DIAPH3: variants seen among roughly 807,000 people sequenced by gnomAD.
DIAPH3 encodes the protein diaphanous related formin 3, also known as protein diaphanous homolog 3.
Under a neutral mutation model 144.3 loss-of-function variants are expected in DIAPH3, and 117 were observed. The observed-to-expected ratio is 0.81, with a 90% CI of 0.70 to 0.95. The LOEUF (loss-of-function observed/expected upper bound fraction) is 0.95. Ranked by LOEUF, DIAPH3 falls within the 40% of genes least tolerant of loss-of-function variation. The pLI, the probability that DIAPH3 is intolerant of heterozygous loss-of-function variation, is 0.00. For missense variants in DIAPH3, 1,421 were observed against 1,412.7 expected, an observed-to-expected ratio of 1.01 and a Z score of -0.09; for synonymous variants, 519 against 488.9, an observed-to-expected ratio of 1.06 and a Z score of -0.81.
At chr13:59,751,220 T>C (rs1566259295) in intron 27 of DIAPH3, among the ~76,000 whole-genome samples, 1 of 152,254 alleles carries the variant, frequency 6.6e-6, no homozygotes, top group African/African-American at 2.4e-5. Flanking sequence ...GGGCTTTGGC[T>C]GAGAAGAGTG....
intron 4 of DIAPH3, among the ~76,000 whole-genome samples, chr13:60,080,852 T>A (rs1052998459): frequency 6.6e-6 from 1 of 151,944 alleles, no homozygotes; most frequent in African/African-American, 2.4e-5. Context: ...GGGTCACACA[T>A]CACTTTTCAC....
At position 59,879,288 on chromosome 13, in the gene DIAPH3, T is replaced by C. The variant is rs2044841411; in HGVS notation, c.2548A>G (p.Met850Val). 1.2e-6 allele frequency: 2 copies of C among 1,613,868 alleles called. No individual in the cohort carries two copies. The highest frequency in any genetic ancestry group is 2.2e-5 in the East Asian group (1 of 44,868). Residue 850 changes from methionine to valine, a missense_variant, in exon 21 of 28, where the codon ATG becomes GTG. Physicochemically the swap from Met to Val is conservative, Grantham distance 21. Coordinates refer to ENST00000400324, the MANE Select transcript of DIAPH3 (RefSeq NM_001042517.2). ...LELVLLMGNYMNAGSRNAQTF... is the reference protein window; with the variant it reads ...LELVLLMGNYVNAGSRNAQTF... ...TGAGCATTCCGGGAGCCAGCATTCA[T>C]GTAGTTTCCCATTAGCAATACAAGT...
At chr13:59,849,892 T>C (rs1325898125) in intron 22 of DIAPH3, among the ~76,000 whole-genome samples, 4 of 145,956 alleles carry the variant, frequency 2.7e-5, no homozygotes, top group Non-Finnish European at 4.5e-5. Flanking sequence ...GCATTGAATC[T>C]GTAAATTACC....
chr13:60,135,386 G>A (rs1201686110), intron 1 of DIAPH3, among the ~76,000 whole-genome samples: 2 of 151,702 alleles, frequency 1.3e-5, no homozygotes, highest in African/African-American at 2.4e-5. Context: ...TATAACCTAT[G>A]TTATTATATT....
intron 27 of DIAPH3, among the ~76,000 whole-genome samples, chr13:59,693,834 C>T (rs1461476348): frequency 6.6e-6 from 1 of 152,012 alleles, no homozygotes; most frequent in Admixed American, 6.6e-5. Flanking sequence ...TCCTTATAAT[C>T]CTCATTTAGA....
At chr13:59,913,535 T>G (rs898196713) in intron 19 of DIAPH3, among the ~76,000 whole-genome samples, 24 of 152,148 alleles carry the variant, frequency 1.6e-4, no homozygotes, top group Non-Finnish European at 3.2e-4. Flanking sequence ...CAAAGCATAC[T>G]CCCTCAACAT....
Position 59,666,345 on chromosome 13 carries a change from A to G in DIAPH3, c.*239T>C. 1 of 459,392 alleles carries G rather than the reference A, an allele frequency of 2.2e-6. No homozygotes were observed. Among genetic ancestry groups the G allele is most frequent in the Non-Finnish European group, 3.7e-6 (1 of 268,936 alleles). 28.5% of individuals were successfully genotyped at this position (459,392 alleles called of 1,614,324 possible). A position where few individuals can be genotyped will look rare whatever the true frequency, so the allele number is the denominator to read the frequency against. ...TTAACCACCAAATAAAGAACTGAGGAATACCAGGAGACAAAAAAAAAAAAA... is the reference window on the plus strand; with the variant it reads ...TTAACCACCAAATAAAGAACTGAGGGATACCAGGAGACAAAAAAAAAAAAA... On this transcript the variant is annotated 3_prime_UTR_variant, in exon 28 of 28. Coordinates refer to ENST00000400324, the MANE Select transcript of DIAPH3 (RefSeq NM_001042517.2).
chr13:60,065,605 C>G (rs1292534405), intron 4 of DIAPH3, among the ~76,000 whole-genome samples: 3 of 152,304 alleles, frequency 2.0e-5, no homozygotes, highest in East Asian at 1.9e-4. Context: ...ACTGCTGTTA[C>G]AGTATCTCAA....
chr13:60,107,890 T>C (rs1352186602), intron 3 of DIAPH3, among the ~76,000 whole-genome samples: 1 of 152,220 alleles, frequency 6.6e-6, no homozygotes, highest in East Asian at 1.9e-4. Context: ...AGCATTCTGA[T>C]AGATGAGCTT....
intron 11 of DIAPH3, 127 bp downstream of exon 11, chr13:59,991,941 T>C: frequency 2.6e-6 from 2 of 757,468 alleles, no homozygotes; most frequent in East Asian, 2.6e-5. Flanking sequence ...AATAACATTC[T>C]TCTGATGCAT....
chr13:59,891,126 CATA>C (rs1365717097), intron 20 of DIAPH3, among the ~76,000 whole-genome samples: 2 of 151,928 alleles, frequency 1.3e-5, no homozygotes, highest in African/African-American at 4.8e-5. Flanking sequence ...TCTCAAACCT[CATA>C]ATGAGATTTG....
rs1329015205 is a variant in DIAPH3 at position 59,879,114 on chromosome 13, C to T, written c.2607+115G>A. The T allele has an allele frequency of 3.4e-6, 5 of 1,451,758 alleles. No homozygotes were observed. In the African/African-American group the frequency reaches 5.7e-5, roughly 17 times the overall value. The allele number at this position is 1,451,758 out of a possible 1,614,324, so 89.9% of individuals were successfully genotyped here. A position where few individuals can be genotyped will look rare whatever the true frequency, so the allele number is the denominator to read the frequency against. On this transcript the variant is annotated intron_variant, in intron 21 of 27. Transcript: ENST00000400324. ...CTGGGTTTGAGTTCATGGTTCAGTT[C>T]AAGTTCTTGATAATGAGCACATCAA...
chr13:59,859,731 A>G (rs1487724372), intron 22 of DIAPH3, among the ~76,000 whole-genome samples: 1 of 152,084 alleles, frequency 6.6e-6, no homozygotes, highest in African/African-American at 2.4e-5. Flanking sequence ...TCTTTAGGAG[A>G]GTTGATTTCC....
chr13:60,112,973 C>G (rs1211968833), intron 2 of DIAPH3, among the ~76,000 whole-genome samples: 1 of 152,126 alleles, frequency 6.6e-6, no homozygotes, highest in Non-Finnish European at 1.5e-5. Flanking sequence ...AATGTTTCAA[C>G]AATCAAAAAT....
intron 24 of DIAPH3, among the ~76,000 whole-genome samples, chr13:59,826,037 A>C (rs1056199302): frequency 4.6e-5 from 7 of 152,168 alleles, no homozygotes; most frequent in Non-Finnish European, 7.3e-5. Flanking sequence ...ATCTCAAAAT[A>C]ATAAGAGTTA....
intron 22 of DIAPH3, among the ~76,000 whole-genome samples, chr13:59,840,603 T>G (rs1214610935): frequency 2.0e-5 from 3 of 152,170 alleles, no homozygotes; most frequent in Non-Finnish European, 2.9e-5. Context: ...ATTCTGACAT[T>G]AACAGCTTTT....
At chr13:60,156,791 T>C (rs76113761) in intron 1 of DIAPH3, among the ~76,000 whole-genome samples, 1,955 of 151,196 alleles carry the variant, frequency 0.013, 24 homozygotes, top group Middle Eastern at 0.024. Context: ...CTCAGATTAG[T>C]ATCATAAGCT....
chr13:59,854,055 A>G (rs2043128191), intron 22 of DIAPH3, among the ~76,000 whole-genome samples: 1 of 152,176 alleles, frequency 6.6e-6, no homozygotes, highest in South Asian at 2.1e-4. Flanking sequence ...AGATGAAATC[A>G]TCCTGTGACT....
intron 27 of DIAPH3, among the ~76,000 whole-genome samples, chr13:59,744,866 T>A (rs749061256): frequency 6.6e-6 from 1 of 152,148 alleles, no homozygotes; most frequent in Non-Finnish European, 1.5e-5. Context: ...AAAAGCACTT[T>A]AAGAGGATAG....
Sources: gnomAD v4.1 joint callset for allele counts (sites outside exome capture counted in the v4.1 genomes callset) on GRCh38, gnomAD v4.1.1 for gene constraint, MANE v1.5 for transcripts, NCBI Gene and HGNC (gene_info 2026-07-23, HGNC 2026-07-21) for gene names.